The following RALGAPA1 variants were observed in gnomAD, a reference collection of about 807,000 sequenced individuals.
RALGAPA1 encodes ral GTPase-activating protein subunit alpha-1.
A neutral mutation model predicts 269.6 loss-of-function variants in RALGAPA1; 52 were observed. The observed-to-expected ratio is 0.19, with a 90% CI of 0.15 to 0.24. The LOEUF is 0.24. RALGAPA1 is among the 10% of genes least tolerant of loss of function. The pLI, the probability that RALGAPA1 is intolerant of heterozygous loss-of-function variation, is 1.00. For missense variants in RALGAPA1, 1,917 were observed against 3,013.9 expected (o/e 0.64, Z 8.52); for synonymous variants, 817 against 1,008.3 (o/e 0.81, Z 3.60).
chr14:35,744,174 C>T (rs962643964), intron 10 of RALGAPA1, among the ~76,000 whole-genome samples: 2 of 152,058 alleles, frequency 1.3e-5, no homozygotes, highest in Non-Finnish European at 2.9e-5. Flanking sequence ...GAGTTCAAGA[C>T]CAGCCTGACC....
rs529878266 is a variant in RALGAPA1 at position 35,557,917 on chromosome 14, G to A, written c.7497-8683C>T. ...TAATTTAGTCAACTTCATTTCAGCTGAAAAGAAAGAATCATCTATGGGGTC... is the reference window on the plus strand; with the variant it reads ...TAATTTAGTCAACTTCATTTCAGCTAAAAAGAAAGAATCATCTATGGGGTC... On this transcript the variant is annotated intron_variant, in intron 39 of 41. Coordinates refer to ENST00000680220, the MANE Select transcript of RALGAPA1 (RefSeq NM_001346249.2). 3.9e-5 allele frequency among the ~76,000 whole-genome samples: 6 copies of A among 152,172 alleles called. No homozygotes were observed. The South Asian group carries it at 1.2e-3, about 32-fold the overall frequency.
At chr14:35,712,231 A>G (rs1380053857) in intron 16 of RALGAPA1, among the ~76,000 whole-genome samples, 1 of 145,222 alleles carries the variant, frequency 6.9e-6, no homozygotes, top group African/African-American at 2.6e-5. Context: ...TGGGTGACAG[A>G]GCATGTCTCA....
At chr14:35,719,335 T>C (rs1012814220) in intron 16 of RALGAPA1, among the ~76,000 whole-genome samples, 9 of 152,126 alleles carry the variant, frequency 5.9e-5, no homozygotes, top group African/African-American at 2.2e-4. Context: ...AAAGTAATGT[T>C]AAAAAATTTT....
intron 1 of RALGAPA1, among the ~76,000 whole-genome samples, chr14:35,787,956 T>G (rs1349004796): frequency 6.6e-6 from 1 of 151,964 alleles, no homozygotes; most frequent in Non-Finnish European, 1.5e-5. Context: ...ATTCAGGGAT[T>G]TCTACTCAGT....
chr14:35,620,531 G>T (rs1009586577), intron 35 of RALGAPA1, among the ~76,000 whole-genome samples: 1 of 152,058 alleles, frequency 6.6e-6, no homozygotes, highest in Non-Finnish European at 1.5e-5. Flanking sequence ...GCAGGAGAAA[G>T]AAATAAAGGG....
intron 27 of RALGAPA1, among the ~76,000 whole-genome samples, chr14:35,664,360 G>A (rs1347573173): frequency 2.0e-5 from 3 of 152,154 alleles, no homozygotes; most frequent in Non-Finnish European, 4.4e-5. Flanking sequence ...CATAGTATCT[G>A]GCTCATGGGG....
chr14:35,652,737 C>A (rs1159301215), intron 30 of RALGAPA1, among the ~76,000 whole-genome samples: 1 of 151,900 alleles, frequency 6.6e-6, no homozygotes, highest in African/African-American at 2.4e-5. Context: ...ATATATTATA[C>A]ACTGAATATT....
At chr14:35,553,062 T>A (rs1028636709) in intron 39 of RALGAPA1, among the ~76,000 whole-genome samples, 1 of 152,194 alleles carries the variant, frequency 6.6e-6, no homozygotes, top group African/African-American at 2.4e-5. Context: ...GATACATCTG[T>A]AAGTTAAGTG....
Position 35,572,731 on chromosome 14 carries a change from G to T in RALGAPA1, c.7210-13C>A. 8.8e-6 allele frequency: 14 copies of T among 1,586,766 alleles called. No homozygotes were observed. The highest frequency in any genetic ancestry group is 1.2e-5 in the Non-Finnish European group (14 of 1,167,916). On this transcript the variant is annotated splice_polypyrimidine_tract_variant and intron_variant, in intron 37 of 41. Transcript: ENST00000680220. ...CCAAATGTCTCAACTGGAAAGACAA[G>T]AAAACAATTTATACTGCTTTAAAAG...
chr14:35,683,746 A>T, intron 21 of RALGAPA1, 63 bp downstream of exon 21: 1 of 1,284,640 alleles, frequency 7.8e-7, no homozygotes, highest in Non-Finnish European at 1.1e-6. Flanking sequence ...TCAAAATTTT[A>T]ATCAAATTCT....
At chr14:35,696,897 C>G (rs546843274) in intron 17 of RALGAPA1, among the ~76,000 whole-genome samples, 1 of 152,136 alleles carries the variant, frequency 6.6e-6, no homozygotes, top group Non-Finnish European at 1.5e-5. Context: ...AGTTCACTTT[C>G]TTATTAATTC....
At chr14:35,678,218 T>C (rs1299662874) in intron 21 of RALGAPA1, 116 bp from the exon 22 acceptor site, 7 of 967,114 alleles carry the variant, frequency 7.2e-6, no homozygotes, top group Middle Eastern at 6.5e-4. Context: ...AAACCAGTTA[T>C]AAACTGGCCA....
chr14:35,688,969 T>A lies in RALGAPA1; in HGVS notation c.3442A>T (p.Asn1148Tyr), dbSNP rs1281767292. The A allele has an allele frequency of 2.4e-6, 3 of 1,235,764 alleles. No homozygotes were observed. In the African/African-American group the frequency reaches 4.7e-5, roughly 19 times the overall value. The allele number at this position is 1,235,764 out of a possible 1,614,324, so 76.5% of individuals were successfully genotyped here. Residue 1148 changes from asparagine (N) to tyrosine (Y), a missense_variant, in exon 18 of 42, where the codon AAT (asparagine) becomes TAT (tyrosine). Asn to Tyr is a moderately radical substitution (Grantham distance 143). This residue lies in a region of RALGAPA1 where 615 missense variants were observed against 790.0 expected (regional missense o/e 0.78). Transcript: ENST00000680220. ...GGCCTAAAAGTAACATGAACACTAT[T>A]TCGTTTTTTAGTAGCAATTTTCATG... Reference protein sequence around the residue: ...KIMKIATKKRNSVHVTFRPST... With the variant: ...KIMKIATKKRYSVHVTFRPST...
intron 31 of RALGAPA1, among the ~76,000 whole-genome samples, chr14:35,645,534 T>C (rs1283250728): frequency 1.3e-5 from 2 of 151,834 alleles, no homozygotes; most frequent in South Asian, 2.1e-4. Flanking sequence ...ATCGAGACCA[T>C]CCTGGCTAAC....
intron 25 of RALGAPA1, among the ~76,000 whole-genome samples, chr14:35,672,342 G>A (rs1326802266): frequency 2.0e-5 from 3 of 151,882 alleles, no homozygotes; most frequent in Non-Finnish European, 4.4e-5. Context: ...GACTCCCAAA[G>A]TAATTCTAAG....
chr14:35,678,420 T>G (rs181556745), intron 21 of RALGAPA1, among the ~76,000 whole-genome samples: 31 of 152,312 alleles, frequency 2.0e-4, no homozygotes, highest in African/African-American at 7.2e-4. Flanking sequence ...ACTGTCATTC[T>G]ATTTCACTTA....
chr14:35,738,859 A>T (rs1294960365), intron 11 of RALGAPA1, among the ~76,000 whole-genome samples: 1 of 152,196 alleles, frequency 6.6e-6, no homozygotes, highest in Non-Finnish European at 1.5e-5. Flanking sequence ...GTAAAAAACA[A>T]CAACAAAACC....
chr14:35,609,337 G>C (rs2059784088), intron 35 of RALGAPA1, among the ~76,000 whole-genome samples: 2 of 151,932 alleles, frequency 1.3e-5, no homozygotes. Flanking sequence ...AGAAATCAAT[G>C]AAAGAAAATT....
intron 39 of RALGAPA1, among the ~76,000 whole-genome samples, chr14:35,561,262 A>G (rs1303969966): frequency 6.6e-6 from 1 of 150,492 alleles, no homozygotes; most frequent in South Asian, 2.1e-4. Context: ...ATACAGTAAC[A>G]TCATCAACAG....
Sources: allele counts gnomAD v4.1 joint callset (sites outside exome capture counted in the v4.1 genomes callset), GRCh38; gene constraint gnomAD v4.1.1; regional missense constraint gnomAD v4.1.1; transcripts MANE v1.5; gene names NCBI Gene and HGNC (gene_info 2026-07-23, HGNC 2026-07-21).